The following OXR1 variants were observed in gnomAD, a reference collection of about 807,000 sequenced individuals.
The protein encoded by OXR1 is oxidation resistance 1, also known as oxidation resistance protein 1.
Under a neutral mutation model 104.6 loss-of-function variants are expected in OXR1, and 41 were observed. That is an observed-to-expected ratio of 0.39 (90% CI 0.31 to 0.51). The LOEUF (loss-of-function observed/expected upper bound fraction) is 0.51, where lower values mean the gene tolerates loss of function less well. Among genes scored for constraint, OXR1 ranks in the 20% least tolerant of loss-of-function variants. The probability of loss-of-function intolerance (pLI) is 0.77; values close to 1 mark genes in which losing one functional copy is unlikely to be tolerated. For missense variants in OXR1, 955 were observed against 1,031.9 expected (o/e 0.93, Z 1.02); for synonymous variants, 348 against 348.4 (o/e 1.00, Z 0.01).
intron 6 of OXR1, among the ~76,000 whole-genome samples, chr8:106,690,581 T>A (rs1415984211): frequency 6.6e-6 from 1 of 151,468 alleles, no homozygotes. Flanking sequence ...TGAGAGTTTT[T>A]TTTTTTTTCC....
chr8:106,663,977 T>C (rs910235232), intron 3 of OXR1, among the ~76,000 whole-genome samples: 3 of 152,156 alleles, frequency 2.0e-5, no homozygotes, highest in African/African-American at 7.2e-5. Flanking sequence ...AAACTCACAG[T>C]GTTGGTAGAA....
intron 3 of OXR1, among the ~76,000 whole-genome samples, chr8:106,645,449 T>G (rs1823998080): frequency 6.6e-6 from 1 of 152,304 alleles, no homozygotes; most frequent in African/African-American, 2.4e-5. Flanking sequence ...CCAACTTTCC[T>G]TCAAGCCTGT....
chr8:106,537,407 G>A (rs182196407), intron 3 of OXR1, among the ~76,000 whole-genome samples: 25 of 152,228 alleles, frequency 1.6e-4, no homozygotes, highest in African/African-American at 3.4e-4. Context: ...GCAAAATGCC[G>A]TAAGAGTTTA....
At chr8:106,539,802 C>T (rs909757324) in intron 3 of OXR1, among the ~76,000 whole-genome samples, 16 of 152,242 alleles carry the variant, frequency 1.1e-4, no homozygotes, top group African/African-American at 2.9e-4. Flanking sequence ...TGGTCCCTAG[C>T]GCTGAGCCAA....
chr8:106,639,439 CAT>C (rs1287120960), intron 3 of OXR1, among the ~76,000 whole-genome samples: 1 of 152,134 alleles, frequency 6.6e-6, no homozygotes, highest in Non-Finnish European at 1.5e-5. Flanking sequence ...ATGAATGAGA[CAT>C]ATACCCAGCT....
At chr8:106,380,067 T>C (rs548561472) in intron 2 of OXR1, among the ~76,000 whole-genome samples, 1 of 152,190 alleles carries the variant, frequency 6.6e-6, no homozygotes, top group African/African-American at 2.4e-5. Flanking sequence ...TAAAAAGAAA[T>C]ACTGAACCCG....
chr8:106,389,911 C>A (rs1344996765), intron 2 of OXR1, among the ~76,000 whole-genome samples: 1 of 151,962 alleles, frequency 6.6e-6, no homozygotes, highest in Non-Finnish European at 1.5e-5. Flanking sequence ...ACTAAAAATA[C>A]AAAAATTAGC....
At chr8:106,520,393 GTCTTTGGGTTAAATTCCT>G (rs1813172343) in intron 3 of OXR1, 1 of 152,130 alleles carries the variant, frequency 6.6e-6, no homozygotes, top group African/African-American at 2.4e-5. Context: ...ATTTTCCAAT[GTCTTTGGGTTAAATTCCT>G]TCCTTCAAGC....
chr8:106,279,111 A>G (rs377661011), intron 1 of OXR1, among the ~76,000 whole-genome samples: 1 of 152,194 alleles, frequency 6.6e-6, no homozygotes, highest in African/African-American at 2.4e-5. Context: ...TCACACGACT[A>G]AAGTATCATT....
rs116703910 is a variant in OXR1, at chr8:106,640,668, T to C, written c.221-38542T>C. Reference sequence around the variant, plus strand: ...TAACTTCGATAGCATAAAAATAACATTTATTTCTTTGCAAATCAATTTTTA... The same window carrying C: ...TAACTTCGATAGCATAAAAATAACACTTATTTCTTTGCAAATCAATTTTTA... On this transcript the variant is annotated intron_variant, in intron 3 of 16. Transcript: ENST00000517566. 1.8e-3 allele frequency among the ~76,000 whole-genome samples: 276 copies of C among 152,278 alleles called. 2 individuals are homozygous for C. The highest frequency in any genetic ancestry group is 6.4e-3 in the African/African-American group (264 of 41,574).
intron 2 of OXR1, among the ~76,000 whole-genome samples, chr8:106,437,961 G>A (rs918568205): frequency 6.6e-6 from 1 of 152,028 alleles, no homozygotes; most frequent in African/African-American, 2.4e-5. Flanking sequence ...AACTACTGGG[G>A]GCTTATACAC....
chr8:106,482,416 G>GA (rs113795775), intron 2 of OXR1, among the ~76,000 whole-genome samples: 15,931 of 42,700 alleles, frequency 0.37, 913 homozygotes, highest in Non-Finnish European at 0.42. Flanking sequence ...AGGAACTGGG[G>GA]GAAAAAAAAA....
intron 3 of OXR1, among the ~76,000 whole-genome samples, chr8:106,602,511 G>A (rs1586879927): frequency 6.6e-6 from 1 of 152,190 alleles, no homozygotes; most frequent in East Asian, 1.9e-4. Flanking sequence ...TTTGGTATAA[G>A]CAAATGAGTG....
At position 106,347,466 on chromosome 8, in the gene OXR1, G is replaced by A. The variant is rs1021287994; in HGVS notation, c.-138-12010G>A. Reference sequence around the variant, plus strand: ...AACAGTAGATGCAGATGCCTTCACTGTCTAACAGAGGAAATATCAATAACT... The same window carrying A: ...AACAGTAGATGCAGATGCCTTCACTATCTAACAGAGGAAATATCAATAACT... On this transcript the variant is annotated intron_variant, in intron 1 of 16. Coordinates refer to ENST00000517566, the MANE Select transcript of OXR1 (RefSeq NM_001198533.2). Among the ~76,000 whole-genome samples the A allele has an allele frequency of 6.6e-5, 10 of 152,112 alleles. 1 individual carries two copies. In the South Asian group the frequency reaches 1.9e-3, roughly 28 times the overall value.
intron 3 of OXR1, among the ~76,000 whole-genome samples, chr8:106,652,183 G>C (rs1182980171): frequency 6.6e-6 from 1 of 152,066 alleles, no homozygotes; most frequent in East Asian, 1.9e-4. Flanking sequence ...TAGAAATAGG[G>C]ACTCTCTATC....
intron 11 of OXR1, among the ~76,000 whole-genome samples, chr8:106,714,471 T>G (rs1362800228): frequency 6.6e-6 from 1 of 152,096 alleles, no homozygotes; most frequent in Non-Finnish European, 1.5e-5. Flanking sequence ...TTATCTTGAC[T>G]TAAATTTTTC....
chr8:106,395,282 T>C (rs774168820), intron 2 of OXR1, among the ~76,000 whole-genome samples: 18 of 152,076 alleles, frequency 1.2e-4, no homozygotes, highest in Non-Finnish European at 2.2e-4. Flanking sequence ...GTTGGAGCCA[T>C]CAATATGCAC....
At chr8:106,272,882 A>T (rs1300153120) in intron 1 of OXR1, 3 of 152,188 alleles carry the variant, frequency 2.0e-5, no homozygotes, top group African/African-American at 4.8e-5. Context: ...TGCTGTTCAA[A>T]TAAAACATCA....
At chr8:106,611,941 C>CAAA (rs11443787) in intron 3 of OXR1, among the ~76,000 whole-genome samples, 7 of 150,364 alleles carry the variant, frequency 4.7e-5, no homozygotes, top group African/African-American at 1.7e-4. Context: ...CACATAAAAA[C>CAAA]AAAAAAAAAA....
Sources: gnomAD v4.1 joint callset for allele counts (sites outside exome capture counted in the v4.1 genomes callset) on GRCh38, gnomAD v4.1.1 for gene constraint, MANE v1.5 for transcripts, NCBI Gene and HGNC (gene_info 2026-07-23, HGNC 2026-07-21) for gene names.